KRT13: variants seen among roughly 807,000 people sequenced by gnomAD.
KRT13 encodes keratin 13.
In KRT13, 27 loss-of-function variants were observed where a neutral mutation model predicts 40.6. That is an observed-to-expected ratio of 0.67 (90% CI 0.49 to 0.92). KRT13 has a LOEUF of 0.92. KRT13 is among the 40% of genes least tolerant of loss of function. The pLI, the probability that KRT13 is intolerant of heterozygous loss-of-function variation, is 0.00. For synonymous variants in KRT13, 266 were observed against 240.3 expected (o/e 1.11, Z -0.99); for missense variants, 605 against 611.5 (o/e 0.99, Z 0.11).
chr17:41,501,653 C>T (rs1036908538), intron 7 of KRT13, 66 bp downstream of exon 7: 22 of 1,552,142 alleles, frequency 1.4e-5, no homozygotes, highest in Non-Finnish European at 1.9e-5. Context: ...CAGCTCCCAC[C>T]CCCATTGGGG....
chr17:41,501,030 G>T lies in KRT13; in HGVS notation c.*226C>A, dbSNP rs1268986056. The T allele has an allele frequency of 8.9e-6, 4 of 451,488 alleles. No homozygotes were observed. Among genetic ancestry groups the T allele is most frequent in the Non-Finnish European group, 1.7e-5 (4 of 241,626 alleles). The allele number at this position is 451,488 out of a possible 1,614,324, so 28.0% of individuals were successfully genotyped here. ...TTTATTGAATAATCTTTTCTTTGGG[G>T]TAGAGAAGTTGAGAAACCAAAGCGT... On this transcript the variant is annotated 3_prime_UTR_variant, in exon 8 of 8. Coordinates refer to ENST00000246635, the MANE Select transcript of KRT13 (RefSeq NM_153490.3).
In KRT13 at chr17:41,503,628, A is replaced by G. The variant is rs941246869; in HGVS notation, c.578+15T>C. On this transcript the variant is annotated intron_variant, in intron 2 of 7. Transcript: ENST00000246635. ...CTCCTGGGAAAGGAGAGGGAGGGGG[A>G]AAAAAAAAACTCACTTGAGCCTGAA... 18 of 1,542,136 alleles carry G rather than the reference A, an allele frequency of 1.2e-5. No homozygotes were observed. The highest frequency in any genetic ancestry group is 8.2e-5 in the African/African-American group (6 of 72,766).
chr17:41,504,067 C>T (rs868694921), intron 1 of KRT13: 3 of 356,116 alleles, frequency 8.4e-6, no homozygotes, highest in Middle Eastern at 9.5e-4. Flanking sequence ...GGCTCTACCT[C>T]TAAACTGTCC....
chr17:41,501,186 T>C lies in KRT13; in HGVS notation c.*70A>G, dbSNP rs1479136994. 4 of 1,152,716 alleles carry C rather than the reference T, an allele frequency of 3.5e-6. No homozygotes were observed. Among genetic ancestry groups the C allele is most frequent in the Non-Finnish European group, 5.1e-6 (4 of 790,750 alleles). The allele number at this position is 1,152,716 out of a possible 1,614,324, so 71.4% of individuals were successfully genotyped here. ...CTTGGGTCCAGCAGCCCCTCCTCTC[T>C]CCTGCAGGGAACTGCCGGCTCTCTC... On this transcript the variant is annotated 3_prime_UTR_variant, in exon 8 of 8. Coordinates refer to ENST00000246635, the MANE Select transcript of KRT13 (RefSeq NM_153490.3).
chr17:41,502,121 T>TA, intron 6 of KRT13: 1 of 1,432,614 alleles, frequency 7.0e-7, no homozygotes, highest in Non-Finnish European at 9.1e-7. Flanking sequence ...AGCTGAGCTG[T>TA]ATCCAAGCTC....
chr17:41,501,915 A>T, intron 6 of KRT13, 171 bp from the exon 7 acceptor site: 3 of 1,497,356 alleles, frequency 2.0e-6, no homozygotes, highest in Non-Finnish European at 2.7e-6. Context: ...GCCCACTGGG[A>T]CTGTCTGTCT....
In KRT13 at chr17:41,502,943, G is replaced by A. The variant is rs146891290; in HGVS notation, c.891C>T (p.His297=). 12 of 1,614,068 alleles carry A rather than the reference G, an allele frequency of 7.4e-6. No homozygotes were observed. Among genetic ancestry groups the A allele is most frequent in the Middle Eastern group, 1.6e-4 (1 of 6,084 alleles). Residue 297 remains histidine, a synonymous_variant, in exon 4 of 8, where the codon CAC becomes CAT. Transcript: ENST00000246635. ...RNRRDAEEWF[H]TKSAELNKEV... is the part of the protein sequence containing the mutation. ...GGGTGGGAGGGCCGGGTACCTTGGT[G>A]TGGAACCATTCCTCAGCATCCCGGC...
chr17:41,502,036 C>A (rs971405018), intron 6 of KRT13: 16 of 1,416,048 alleles, frequency 1.1e-5, no homozygotes, highest in Non-Finnish European at 1.4e-5. Flanking sequence ...CACCTGAGCC[C>A]TGAGCCCACA....
chr17:41,501,706 G>T lies in KRT13; in HGVS notation c.1270+13C>A. 1 of 1,580,224 alleles carries T rather than the reference G, an allele frequency of 6.3e-7. No individual in the cohort carries two copies. The highest frequency in any genetic ancestry group is 2.3e-5 in the East Asian group (1 of 43,394). ...ACTCTGCCTCCCCCTACACCACGGG[G>T]CTGTTCCCTTACCTGCTGAGGAAGG... On this transcript the variant is annotated intron_variant, in intron 7 of 7. Transcript: ENST00000246635.
At position 41,505,208 on chromosome 17, in the gene KRT13, G is replaced by A. The variant is rs772897754; in HGVS notation, c.343C>T (p.Leu115=). The change falls in exon 1 of 8, where the codon CTG becomes TTG. Residue 115 remains leucine (L), a synonymous_variant. Coordinates refer to ENST00000246635, the MANE Select transcript of KRT13 (RefSeq NM_153490.3). ...KITMQNLNDR[L]ASYLEKVRAL... ...CGCACCTTCTCCAGGTAGGAAGCCA[G>A]GCGGTCGTTGAGGTTCTGCATGGTG... 17 of 1,614,220 alleles carry A rather than the reference G, an allele frequency of 1.1e-5. No homozygotes were observed. The highest frequency in any genetic ancestry group is 1.4e-5 in the Non-Finnish European group (17 of 1,180,040).
At position 41,503,001 on chromosome 17, in the gene KRT13, C is replaced by T. The variant is rs774263110; in HGVS notation, c.833G>A (p.Arg278Lys). 12 of 1,614,240 alleles carry T rather than the reference C, an allele frequency of 7.4e-6. No individual in the cohort carries two copies. The highest frequency in any genetic ancestry group is 3.3e-5 in the Admixed American group (2 of 60,026). Reference protein sequence around the residue: ...IDLTRVLAEMREQYEAMAERN... With the variant: ...IDLTRVLAEMKEQYEAMAERN... Reference sequence around the variant, plus strand: ...CTCTGCCATGGCCTCGTACTGCTCCCTCATCTCTGCCAGCACGCGGGTCAG... The same window carrying T: ...CTCTGCCATGGCCTCGTACTGCTCCTTCATCTCTGCCAGCACGCGGGTCAG... The change falls in exon 4 of 8, where the codon AGG (arginine) becomes AAG (lysine). Residue 278 changes from arginine (R) to lysine (K), a missense_variant. By Grantham distance (26) the Arg-to-Lys change is conservative (BLOSUM62 2). Transcript: ENST00000246635.
chr17:41,503,710 TG>T lies in KRT13; in HGVS notation c.510del (p.Ile171LeufsTer62), dbSNP rs1258945310. On this transcript the variant is annotated frameshift_variant, in exon 2 of 8. Transcript: ENST00000246635. LOFTEE classifies it high-confidence loss of function. Reference sequence around the variant, plus strand: ...TCCAGGATGACCCGGTTGTTTTCAATGGTGGCGGTCAGGATCTACAAAATGC... The same window carrying T: ...TCCAGGATGACCCGGTTGTTTTCAATGTGGCGGTCAGGATCTACAAAATGC... ...EELRDKILTA[T>X]IENNRVILEI... 1.9e-6 allele frequency: 3 copies of T among 1,614,090 alleles called. No homozygotes were observed.
intron 1 of KRT13, 81 bp downstream of exon 1, chr17:41,504,975 A>G (rs1905005723): frequency 1.3e-6 from 2 of 1,533,686 alleles, no homozygotes; most frequent in Admixed American, 3.6e-5. Context: ...GTCCACACCT[A>G]GTCCCCCACA....
chr17:41,501,577 C>G (rs529091319), intron 7 of KRT13, 142 bp downstream of exon 7: 48 of 1,416,198 alleles, frequency 3.4e-5, no homozygotes, highest in Non-Finnish European at 4.4e-5. Flanking sequence ...AGCGAATGAC[C>G]ACTTCCACCC....
Position 41,501,287 on chromosome 17 carries a change from C to CCAGAGGCATTAGAGGTGGTGGTAA in KRT13, c.1322_1345dup (p.Val441_Ser448dup). ...CCTACGGACATCAGAAGTGCGGCGA[C>CCAGAGGCATTAGAGGTGGTGGTAA]CAGAGGCATTAGAGGTGGTGGTAAC... On this transcript the variant is annotated inframe_insertion, in exon 8 of 8. Transcript: ENST00000246635. 1 of 1,573,904 alleles carries CCAGAGGCATTAGAGGTGGTGGTAA rather than the reference C, an allele frequency of 6.4e-7. No individual in the cohort carries two copies.
chr17:41,502,306 C>A, intron 6 of KRT13, 68 bp downstream of exon 6: 1 of 1,612,236 alleles, frequency 6.2e-7, no homozygotes, highest in South Asian at 1.1e-5. Context: ...ATCTCTAAGG[C>A]CCTGCCTGCT....
intron 6 of KRT13, 92 bp from the exon 7 acceptor site, chr17:41,501,836 T>C: frequency 3.9e-6 from 6 of 1,552,010 alleles, no homozygotes; most frequent in Non-Finnish European, 5.2e-6. Flanking sequence ...GCTTATCATT[T>C]CAAGCCCCTG....
rs147022064 is a variant in KRT13 at position 41,502,508 on chromosome 17, G to A, written c.1110C>T (p.Ile370=). ...LQQIQGLISS[I]EAQLSELRSE... ...TGCGGAGCTCGCTCAGCTGGGCCTCGATGCTGCTGATGAGTCCCTGGATCT... is the reference window on the plus strand; with the variant it reads ...TGCGGAGCTCGCTCAGCTGGGCCTCAATGCTGCTGATGAGTCCCTGGATCT... Residue 370 remains isoleucine, a synonymous_variant, in exon 6 of 8, where the codon ATC becomes ATT. Coordinates refer to ENST00000246635, the MANE Select transcript of KRT13 (RefSeq NM_153490.3). 2.2e-5 allele frequency: 35 copies of A among 1,613,942 alleles called. No individual in the cohort carries two copies. Among genetic ancestry groups the A allele is most frequent in the Middle Eastern group, 1.6e-4 (1 of 6,084 alleles).
intron 1 of KRT13, 64 bp from the exon 2 acceptor site, chr17:41,503,789 C>A: frequency 8.1e-7 from 1 of 1,237,466 alleles, no homozygotes; most frequent in South Asian, 1.2e-5. Context: ...CTTCCCTGGG[C>A]CACATTGGAA....
Sources: allele counts gnomAD v4.1 joint callset, GRCh38; gene constraint gnomAD v4.1.1; transcripts MANE v1.5; gene names NCBI Gene and HGNC (gene_info 2026-07-23, HGNC 2026-07-21).